RSU1: variants seen among roughly 807,000 people sequenced by gnomAD.
RSU1 encodes the protein Ras suppressor protein 1.
In RSU1, 26 loss-of-function variants were observed where a neutral mutation model predicts 31.1. The ratio of observed to expected loss-of-function variants is 0.84; its 90% CI spans 0.61 to 1.16. RSU1 has a LOEUF of 1.16. Ranked by LOEUF, RSU1 falls within the 50% of genes most tolerant of loss-of-function variation. RSU1 has a pLI of 0.00. For missense variants in RSU1, 320 were observed against 339.1 expected (o/e 0.94, Z 0.44); for synonymous variants, 164 against 136.3 (o/e 1.20, Z -1.41).
chr10:16,805,603 GA>G (rs576925573), intron 2 of RSU1, among the ~76,000 whole-genome samples: 3,661 of 150,836 alleles, frequency 0.024, 46 homozygotes, highest in Non-Finnish European at 0.036. Flanking sequence ...GTGAACCCGG[GA>G]GGCGGAGCTT....
intron 2 of RSU1, among the ~76,000 whole-genome samples, chr10:16,813,856 C>A (rs1838464696): frequency 6.6e-6 from 1 of 152,176 alleles, no homozygotes; most frequent in African/African-American, 2.4e-5. Context: ...ACCTAAACTC[C>A]TCAAAACATC....
chr10:16,625,891 G>A (rs1295296658), intron 8 of RSU1, among the ~76,000 whole-genome samples: 1 of 152,160 alleles, frequency 6.6e-6, no homozygotes, highest in Non-Finnish European at 1.5e-5. Flanking sequence ...CTCAGACTCA[G>A]GCTTCCTGTT....
chr10:16,695,231 C>G (rs995126514), intron 7 of RSU1, 76 bp from the exon 8 acceptor site: 13 of 1,423,716 alleles, frequency 9.1e-6, no homozygotes, highest in Non-Finnish European at 1.2e-5. Context: ...TCTCAGTAAT[C>G]ACAGCCTAAG....
chr10:16,755,071 G>GT, intron 4 of RSU1, 82 bp from the exon 5 acceptor site: 1 of 770,988 alleles, frequency 1.3e-6, no homozygotes, highest in Non-Finnish European at 2.2e-6. Flanking sequence ...TGTTTCAGAC[G>GT]CTGAAAGTGT....
At position 16,646,004 on chromosome 10, in the gene RSU1, GTGTA is replaced by G. The variant is rs1834557694; in HGVS notation, c.731+49015_731+49018del. Among the ~76,000 whole-genome samples, 4 of 76,298 alleles carry G rather than the reference GTGTA, an allele frequency of 5.2e-5. 1 individual carries two copies. Among genetic ancestry groups the G allele is most frequent in the African/African-American group, 2.9e-4 (4 of 13,912 alleles). The allele number at this position is 76,298 out of a possible 152,430, so 50.1% of individuals were successfully genotyped here. A position where few individuals can be genotyped will look rare whatever the true frequency, so the allele number is the denominator to read the frequency against. ...TATATACATATATGTGTATATATAT[GTGTA>G]TATACATATATGTGTATATATATGT... On this transcript the variant is annotated intron_variant, in intron 8 of 8. Transcript: ENST00000345264.
chr10:16,708,974 C>T (rs1159465612), intron 7 of RSU1, among the ~76,000 whole-genome samples: 3 of 151,206 alleles, frequency 2.0e-5, no homozygotes, highest in Non-Finnish European at 2.9e-5. Flanking sequence ...ATTAGTTCTA[C>T]CAGTTCTTTA....
intron 8 of RSU1, among the ~76,000 whole-genome samples, chr10:16,597,604 G>C (rs1214703559): frequency 6.6e-6 from 1 of 152,140 alleles, no homozygotes; most frequent in Non-Finnish European, 1.5e-5. Context: ...AAACCTACTG[G>C]AAGCAGTCAG....
chr10:16,782,587 C>G (rs1837676745), intron 2 of RSU1, among the ~76,000 whole-genome samples: 1 of 152,156 alleles, frequency 6.6e-6, no homozygotes. Flanking sequence ...CAGAAATTCT[C>G]CTCCATGGTA....
Position 16,742,477 on chromosome 10 carries a change from C to CT in RSU1, c.598+10061dup, listed in dbSNP as rs372889489. Among the ~76,000 whole-genome samples, 1,134 of 151,024 alleles carry CT rather than the reference C, an allele frequency of 7.5e-3. 12 individuals are homozygous for CT. Among genetic ancestry groups the CT allele is most frequent in the African/African-American group, 0.026 (1,081 of 41,088 alleles). ...TTGGGTCTGACTCAGTATAACCTTG[C>CT]TTTTTTTTTCTTTTAACATAGGAAC... On this transcript the variant is annotated intron_variant, in intron 7 of 8. Coordinates refer to ENST00000345264, the MANE Select transcript of RSU1 (RefSeq NM_012425.4).
intron 8 of RSU1, among the ~76,000 whole-genome samples, chr10:16,692,728 TA>T (rs2131560348): frequency 1.3e-5 from 2 of 152,328 alleles, no homozygotes; most frequent in Admixed American, 6.5e-5. Context: ...GCTACATTCG[TA>T]TTTTTTTAAA....
At position 16,592,049 on chromosome 10, in the gene RSU1, CTTG is replaced by C. The variant is rs1252420161; in HGVS notation, c.*1342_*1344del. The stretch of plus-strand genomic sequence containing the variant: ...AGTCTGTTTCCTAAGTAACTCAGAA[CTTG>C]TTGTTTGATTTTGATTTTTGACTTT... On this transcript the variant is annotated 3_prime_UTR_variant, in exon 9 of 9. Transcript: ENST00000345264. 8.6e-5 allele frequency: 13 copies of C among 151,902 alleles called. No individual in the cohort carries two copies. The highest frequency in any genetic ancestry group is 2.4e-4 in the African/African-American group (10 of 41,230). The allele number at this position is 151,902 out of a possible 1,614,324, so 9.4% of individuals were successfully genotyped here. A position where few individuals can be genotyped will look rare whatever the true frequency, so the allele number is the denominator to read the frequency against.
intron 7 of RSU1, among the ~76,000 whole-genome samples, chr10:16,746,330 C>A (rs1385248049): frequency 1.3e-5 from 2 of 152,130 alleles, no homozygotes; most frequent in Non-Finnish European, 1.5e-5. Flanking sequence ...GGGATTGGTG[C>A]AAATTAAGGT....
At chr10:16,692,790 T>C (rs1438590479) in intron 8 of RSU1, among the ~76,000 whole-genome samples, 1 of 152,232 alleles carries the variant, frequency 6.6e-6, no homozygotes, top group African/African-American at 2.4e-5. Context: ...TATGAAACAA[T>C]TAATACACAT....
chr10:16,814,860 AG>A (rs1838493553), intron 2 of RSU1, among the ~76,000 whole-genome samples: 2 of 152,216 alleles, frequency 1.3e-5, no homozygotes, highest in Middle Eastern at 3.2e-3. Flanking sequence ...ATAAAAGCCA[AG>A]GCTTCAAAGA....
At chr10:16,772,708 T>C (rs1319744898) in intron 3 of RSU1, among the ~76,000 whole-genome samples, 1 of 149,628 alleles carries the variant, frequency 6.7e-6, no homozygotes, top group East Asian at 2.0e-4. Context: ...GCAGTCTCAG[T>C]GTTATAAAAG....
intron 8 of RSU1, among the ~76,000 whole-genome samples, chr10:16,694,141 A>C (rs1467569061): frequency 1.3e-5 from 2 of 152,180 alleles, no homozygotes; most frequent in Non-Finnish European, 2.9e-5. Context: ...AGGAAGAAAG[A>C]AGCAGGAATC....
At position 16,595,795 on chromosome 10, in the gene RSU1, C is replaced by G. The variant is rs557210921; in HGVS notation, c.732-2299G>C. 7.4e-5 allele frequency among the ~76,000 whole-genome samples: 11 copies of G among 148,232 alleles called. No individual in the cohort carries two copies. The South Asian group carries it at 1.5e-3, about 20-fold the overall frequency. On this transcript the variant is annotated intron_variant, in intron 8 of 8. Transcript: ENST00000345264. ...CATCCTGGCCAACATGGTGAAACCC[C>G]ATCTCTACTAAAAAAAAGAAAAAAT...
At chr10:16,607,630 T>A (rs1833826091) in intron 8 of RSU1, among the ~76,000 whole-genome samples, 1 of 152,176 alleles carries the variant, frequency 6.6e-6, no homozygotes, top group South Asian at 2.1e-4. Flanking sequence ...GGTGCTCTGT[T>A]GGAATGTGCC....
chr10:16,629,155 T>C (rs1313077979), intron 8 of RSU1, among the ~76,000 whole-genome samples: 1 of 152,114 alleles, frequency 6.6e-6, no homozygotes, highest in Non-Finnish European at 1.5e-5. Context: ...TGCATAGGAA[T>C]TGCCTGGGGA....
Sources: allele counts gnomAD v4.1 joint callset (sites outside exome capture counted in the v4.1 genomes callset), GRCh38; gene constraint gnomAD v4.1.1; transcripts MANE v1.5; gene names NCBI Gene and HGNC (gene_info 2026-07-23, HGNC 2026-07-21).